The following MRPL21 variants were observed in gnomAD, a reference collection of about 807,000 sequenced individuals.
The protein encoded by MRPL21 is mitochondrial ribosomal protein L21, also known as large ribosomal subunit protein bL21m.
A neutral mutation model predicts 27.3 loss-of-function variants in MRPL21; 20 were observed. The observed-to-expected ratio is 0.73, with a 90% CI of 0.52 to 1.06. The LOEUF (loss-of-function observed/expected upper bound fraction) is 1.06, where lower values mean the gene tolerates loss of function less well. Ranked by LOEUF, MRPL21 falls within the 50% of genes least tolerant of loss-of-function variation. MRPL21 has a pLI of 0.00. For synonymous variants in MRPL21, 98 were observed against 101.5 expected (o/e 0.97, Z 0.21); for missense variants, 249 against 251.4 (o/e 0.99, Z 0.06).
rs142342872 is a variant in MRPL21 at position 68,894,250 on chromosome 11, T to A, written c.397-795A>T. On this transcript the variant is annotated intron_variant, in intron 4 of 6. Transcript: ENST00000362034. Reference sequence around the variant, plus strand: ...TCACGACACCAAGTGTGGCTGCAGATGAAGACATCTTTGCTTCCAAATGCA... The same window carrying A: ...TCACGACACCAAGTGTGGCTGCAGAAGAAGACATCTTTGCTTCCAAATGCA... Among the ~76,000 whole-genome samples, 54 of 152,300 alleles carry A rather than the reference T, an allele frequency of 3.5e-4. No individual in the cohort carries two copies. The East Asian group carries it at 9.5e-3, about 27-fold the overall frequency.
chr11:68,895,703 C>A (rs1857769988), intron 4 of MRPL21, among the ~76,000 whole-genome samples: 1 of 152,178 alleles, frequency 6.6e-6, no homozygotes, highest in African/African-American at 2.4e-5. Flanking sequence ...CAGGGTCTCG[C>A]TGTGTTGCCC....
chr11:68,903,516 T>C lies in MRPL21; in HGVS notation c.88+207A>G, dbSNP rs748700482. 3.3e-5 allele frequency among the ~76,000 whole-genome samples: 5 copies of C among 152,156 alleles called. No individual in the cohort carries two copies. In the East Asian group the frequency reaches 7.7e-4, roughly 23 times the overall value. On this transcript the variant is annotated intron_variant, in intron 1 of 6. Transcript: ENST00000362034. ...CATAACATAGGGCCTATACCAAAGT[T>C]CAAGGGCTATTGTCAGTATTCAGGC...
intron 1 of MRPL21, among the ~76,000 whole-genome samples, 161 bp from the exon 2 acceptor site, chr11:68,900,766 GTCACT>G (rs1209702105): frequency 2.0e-5 from 3 of 152,188 alleles, no homozygotes; most frequent in Admixed American, 6.5e-5. Flanking sequence ...CTACAAGAAC[GTCACT>G]TACAGCTACT....
intron 1 of MRPL21, among the ~76,000 whole-genome samples, chr11:68,902,419 C>T (rs1165173965): frequency 1.3e-5 from 2 of 152,234 alleles, no homozygotes; most frequent in Non-Finnish European, 2.9e-5. Flanking sequence ...TCAACAGTTA[C>T]CAACTCATGG....
chr11:68,899,217 A>T (rs2186718), intron 2 of MRPL21, among the ~76,000 whole-genome samples: 4 of 152,180 alleles, frequency 2.6e-5, no homozygotes, highest in Non-Finnish European at 5.9e-5. Context: ...TCTGTAGTCT[A>T]CAAAGAGGGA....
intron 6 of MRPL21, chr11:68,891,903 C>A (rs1361230824): frequency 1.0e-5 from 5 of 497,250 alleles, no homozygotes; most frequent in Non-Finnish European, 1.7e-5. Flanking sequence ...GTGGCCCATG[C>A]CCCGTGGGTG....
At position 68,897,824 on chromosome 11, in the gene MRPL21, G is replaced by A. The variant is rs149648060; in HGVS notation, c.232+103C>T. On this transcript the variant is annotated intron_variant, in intron 3 of 6. Coordinates refer to ENST00000362034, the MANE Select transcript of MRPL21 (RefSeq NM_181514.2). The stretch of plus-strand genomic sequence containing the variant: ...ACTGTGCTGTGTCTGGGAGCATCTG[G>A]AAACATGAAGCCTCGTTCTGTGGCC... The A allele has an allele frequency of 3.0e-4, 251 of 826,148 alleles. 1 individual carries two copies. The African/African-American group carries it at 3.9e-3, about 13-fold the overall frequency. 51.2% of individuals were successfully genotyped at this position (826,148 alleles called of 1,614,324 possible).
At chr11:68,894,019 C>T (rs982374898) in intron 4 of MRPL21, among the ~76,000 whole-genome samples, 7 of 148,536 alleles carry the variant, frequency 4.7e-5, no homozygotes, top group African/African-American at 7.5e-5. Flanking sequence ...GAGCGAGACT[C>T]TGTCTCAAAG....
chr11:68,898,564 G>A (rs1046593292), intron 2 of MRPL21, among the ~76,000 whole-genome samples: 1 of 152,200 alleles, frequency 6.6e-6, no homozygotes, highest in Non-Finnish European at 1.5e-5. Flanking sequence ...GAACTGGCTC[G>A]GAACCCCAGA....
intron 3 of MRPL21, 146 bp from the exon 4 acceptor site, chr11:68,896,824 C>CCCCT (rs1267132816): frequency 9.9e-7 from 1 of 1,012,458 alleles, no homozygotes; most frequent in Non-Finnish European, 1.5e-6. Flanking sequence ...GGCGGCCCAG[C>CCCCT]CCCTGCTCCA....
At position 68,900,558 on chromosome 11, in the gene MRPL21, A is replaced by C; in HGVS notation, c.136T>G (p.Tyr46Asp). The change falls in exon 2 of 7, where the codon TAT (tyrosine) becomes GAT (aspartate). Residue 46 changes from tyrosine (Y) to aspartate (D), a missense_variant. Physicochemically the swap from Tyr to Asp is radical, Grantham distance 160 (BLOSUM62 -3). Coordinates refer to ENST00000362034, the MANE Select transcript of MRPL21 (RefSeq NM_181514.2). The part of the protein sequence containing the change: ...SRRFNSQSTS[Y>D]LPGYVPKTSL... ...ACATTTTGATATTACCCTGGTAGAT[A>C]TGAAGTGCTCTGTGAATTGAACCTT... The C allele has an allele frequency of 6.2e-7, 1 of 1,614,010 alleles. No individual in the cohort carries two copies.
At position 68,891,780 on chromosome 11, in the gene MRPL21, C is replaced by A. The variant is rs1857652422; in HGVS notation, c.554-385G>T. The stretch of plus-strand genomic sequence containing the variant: ...TACCCAGATGACTCTAAGGTGACAG[C>A]CAATACCAGTATTCTGGGTATATTT... On this transcript the variant is annotated intron_variant, in intron 6 of 6. Transcript: ENST00000362034. The A allele has an allele frequency of 8.4e-6, 4 of 474,444 alleles. No individual in the cohort carries two copies. The South Asian group carries it at 1.4e-4, about 17-fold the overall frequency. The allele number at this position is 474,444 out of a possible 1,614,324, so 29.4% of individuals were successfully genotyped here. A position where few individuals can be genotyped will look rare whatever the true frequency, so the allele number is the denominator to read the frequency against.
At chr11:68,892,639 G>C in intron 6 of MRPL21, 5 of 1,423,804 alleles carry the variant, frequency 3.5e-6, no homozygotes, top group Non-Finnish European at 4.6e-6. Flanking sequence ...GCGAGGTGGG[G>C]TCACGTGCGG....
intron 3 of MRPL21, chr11:68,897,527 T>C: frequency 4.9e-6 from 1 of 203,996 alleles, no homozygotes; most frequent in South Asian, 1.4e-4. Flanking sequence ...TCCTGTCCCT[T>C]CTGACACGGG....
At chr11:68,895,010 A>G (rs1857750163) in intron 4 of MRPL21, among the ~76,000 whole-genome samples, 1 of 152,210 alleles carries the variant, frequency 6.6e-6, no homozygotes. Flanking sequence ...CACGCCTGTA[A>G]TCCCAACACT....
intron 1 of MRPL21, 120 bp from the exon 2 acceptor site, chr11:68,900,725 C>G: frequency 2.3e-6 from 2 of 861,386 alleles, no homozygotes; most frequent in Non-Finnish European, 3.9e-6. Flanking sequence ...TGCATGACAG[C>G]CTGCCCACAG....
At chr11:68,893,354 T>G in intron 5 of MRPL21, 49 bp downstream of exon 5, 1 of 1,612,942 alleles carries the variant, frequency 6.2e-7, no homozygotes, top group African/African-American at 1.3e-5. Context: ...ACTGTCTGCA[T>G]GTCCAGCCCT....
At chr11:68,901,796 T>C (rs1252081412) in intron 1 of MRPL21, among the ~76,000 whole-genome samples, 1 of 152,170 alleles carries the variant, frequency 6.6e-6, no homozygotes, top group Non-Finnish European at 1.5e-5. Context: ...CTATCTGCCT[T>C]AGCCACTCGT....
intron 6 of MRPL21, chr11:68,892,088 G>C (rs1200868744): frequency 1.6e-6 from 2 of 1,277,832 alleles, no homozygotes; most frequent in Non-Finnish European, 2.0e-6. Flanking sequence ...GTGGGGTCAC[G>C]CGTGGAGGGT....
Sources: gnomAD v4.1 joint callset for allele counts (sites outside exome capture counted in the v4.1 genomes callset) on GRCh38, gnomAD v4.1.1 for gene constraint, MANE v1.5 for transcripts, NCBI Gene and HGNC (gene_info 2026-07-23, HGNC 2026-07-21) for gene names.